SGCD: variants seen among roughly 807,000 people sequenced by gnomAD.
SGCD encodes delta-sarcoglycan.
SGCD carries 18 observed loss-of-function variants against 36.6 expected under a neutral mutation model. The ratio of observed to expected loss-of-function variants is 0.49; its 90% CI spans 0.34 to 0.73. The LOEUF is 0.73. Among genes scored for constraint, SGCD ranks in the 30% least tolerant of loss-of-function variants. The pLI, the probability that SGCD is intolerant of heterozygous loss-of-function variation, is 0.01. For synonymous variants in SGCD, 133 were observed against 130.6 expected, an observed-to-expected ratio of 1.02 and a Z score of -0.12; for missense variants, 387 against 346.7, an observed-to-expected ratio of 1.12 and a Z score of -0.92.
chr5:156,585,886 A>G (rs1191864863), intron 4 of SGCD, among the ~76,000 whole-genome samples: 2 of 152,156 alleles, frequency 1.3e-5, no homozygotes, highest in South Asian at 2.1e-4. Flanking sequence ...GTATTTTATC[A>G]TAGTTTTATA....
intron 1 of SGCD, among the ~76,000 whole-genome samples, chr5:155,895,271 A>T (rs1415736357): frequency 6.6e-6 from 1 of 152,210 alleles, no homozygotes; most frequent in South Asian, 2.1e-4. Context: ...CATTCTGGTG[A>T]AAGTTTTGAG....
At chr5:155,925,669 G>T (rs1382383157) in intron 1 of SGCD, among the ~76,000 whole-genome samples, 1 of 152,148 alleles carries the variant, frequency 6.6e-6, no homozygotes, top group African/African-American at 2.4e-5. Context: ...AGGCTGTAGT[G>T]CAGTGGTATA....
the SGCD span, among the ~76,000 whole-genome samples, chr5:155,846,503 T>C: frequency 1.3e-5 from 2 of 152,300 alleles, no homozygotes; most frequent in East Asian, 3.9e-4. Context: ...CTTCTGGGTG[T>C]CACTCATTGT....
Position 156,758,048 on chromosome 5 carries a change from G to T in SGCD, c.699+344G>T, listed in dbSNP as rs1757406557. ...AAGCTGTATATATTATACACATCTG[G>T]CTCAAGATGAACTTAATTTACTTGT... On this transcript the variant is annotated intron_variant, in intron 8 of 8. Transcript: ENST00000337851. The T allele has an allele frequency of 2.9e-6, 3 of 1,019,652 alleles. No individual in the cohort carries two copies. In the Admixed American group the frequency reaches 1.6e-4, roughly 54 times the overall value. The allele number at this position is 1,019,652 out of a possible 1,614,324, so 63.2% of individuals were successfully genotyped here.
intron 7 of SGCD, among the ~76,000 whole-genome samples, chr5:156,669,195 C>T (rs1455767157): frequency 6.6e-6 from 1 of 152,128 alleles, no homozygotes; most frequent in Admixed American, 6.6e-5. Context: ...TCTACCCACA[C>T]CATTCGCAGC....
the SGCD span, among the ~76,000 whole-genome samples, chr5:155,843,812 G>C: frequency 6.6e-6 from 1 of 152,312 alleles, no homozygotes; most frequent in Admixed American, 6.5e-5. Flanking sequence ...TGAACCCCCA[G>C]TGGCTGCCTA....
chr5:155,891,621 GA>G (rs1756133933), intron 1 of SGCD, among the ~76,000 whole-genome samples: 1 of 108,850 alleles, frequency 9.2e-6, no homozygotes, highest in African/African-American at 3.6e-5. Context: ...TTAGAAAATA[GA>G]AATGAAAACA....
chr5:156,480,908 G>A (rs1438012869), intron 3 of SGCD, among the ~76,000 whole-genome samples: 2 of 152,244 alleles, frequency 1.3e-5, no homozygotes, highest in Admixed American at 1.3e-4. Context: ...TATGTAAAAG[G>A]TCACAATATA....
At chr5:156,017,468 AT>A (rs11394236) in intron 1 of SGCD, among the ~76,000 whole-genome samples, 6 of 151,492 alleles carry the variant, frequency 4.0e-5, no homozygotes, top group African/African-American at 1.2e-4. Context: ...GTATAGTTTC[AT>A]TTTTTTTACA....
At chr5:156,292,018 G>C (rs1283502323) in intron 3 of SGCD, among the ~76,000 whole-genome samples, 1 of 151,964 alleles carries the variant, frequency 6.6e-6, no homozygotes, top group Non-Finnish European at 1.5e-5. Flanking sequence ...CCAGCCACTA[G>C]TAACCACCAT....
chr5:156,067,822 T>A (rs2127585912), intron 1 of SGCD, among the ~76,000 whole-genome samples: 1 of 139,680 alleles, frequency 7.2e-6, no homozygotes, highest in African/African-American at 3.2e-5. Flanking sequence ...GCACACACAC[T>A]GGCCTGCGCC....
At chr5:155,960,395 C>T (rs1429167015) in intron 1 of SGCD, among the ~76,000 whole-genome samples, 1 of 152,046 alleles carries the variant, frequency 6.6e-6, no homozygotes, top group Non-Finnish European at 1.5e-5. Context: ...TTCCCTAGCC[C>T]AGCGCCAAGC....
intron 3 of SGCD, among the ~76,000 whole-genome samples, chr5:156,360,491 G>C (rs1212091980): frequency 2.6e-5 from 4 of 152,066 alleles, no homozygotes; most frequent in African/African-American, 9.7e-5. Flanking sequence ...CAGGTGATCT[G>C]CCTGCCTTGG....
At chr5:156,736,492 A>C (rs1311465805) in intron 7 of SGCD, among the ~76,000 whole-genome samples, 1 of 152,200 alleles carries the variant, frequency 6.6e-6, no homozygotes, top group Non-Finnish European at 1.5e-5. Flanking sequence ...ATTTCCATAA[A>C]AAACACTTAC....
intron 6 of SGCD, among the ~76,000 whole-genome samples, chr5:156,638,643 A>T (rs561469022): frequency 6.6e-6 from 1 of 152,298 alleles, no homozygotes; most frequent in South Asian, 2.1e-4. Flanking sequence ...TTTATTTACT[A>T]TCAAAAACGA....
chr5:156,280,520 C>T (rs939282802), intron 3 of SGCD, among the ~76,000 whole-genome samples: 6 of 152,086 alleles, frequency 3.9e-5, no homozygotes, highest in South Asian at 2.1e-4. Context: ...TTCAAGTTGA[C>T]GTTTATTCAA....
At chr5:156,636,506 A>G (rs998349572) in intron 6 of SGCD, among the ~76,000 whole-genome samples, 3 of 152,194 alleles carry the variant, frequency 2.0e-5, no homozygotes, top group Non-Finnish European at 4.4e-5. Flanking sequence ...CATCCAAGAC[A>G]TAAGTTAGGT....
At chr5:156,146,609 A>G (rs1251655439) in intron 3 of SGCD, among the ~76,000 whole-genome samples, 2 of 152,270 alleles carry the variant, frequency 1.3e-5, no homozygotes, top group Non-Finnish European at 2.9e-5. Flanking sequence ...TTTTAACCAT[A>G]GAAGAACAAA....
intron 3 of SGCD, among the ~76,000 whole-genome samples, chr5:156,249,834 C>T (rs973223974): frequency 2.0e-5 from 3 of 151,928 alleles, no homozygotes; most frequent in East Asian, 1.9e-4. Flanking sequence ...CTCTAAACAG[C>T]ATATTATTAA....
Sources: allele counts gnomAD v4.1 joint callset (sites outside exome capture counted in the v4.1 genomes callset), GRCh38; gene constraint gnomAD v4.1.1; transcripts MANE v1.5; gene names NCBI Gene and HGNC (gene_info 2026-07-23, HGNC 2026-07-21).